SPNS3: variants seen among roughly 807,000 people sequenced by gnomAD.
The protein encoded by SPNS3 is protein spinster homolog 3.
A neutral mutation model predicts 54.4 loss-of-function variants in SPNS3; 51 were observed. That is an observed-to-expected ratio of 0.94 (90% CI 0.75 to 1.18). SPNS3 has a LOEUF of 1.18. SPNS3 is among the 50% of genes most tolerant of loss of function. The pLI is 0.00. For missense variants in SPNS3, 669 were observed against 677.4 expected (o/e 0.99, Z 0.14); for synonymous variants, 309 against 294.7 (o/e 1.05, Z -0.50).
intron 7 of SPNS3, among the ~76,000 whole-genome samples, chr17:4,452,537 A>G (rs376458188): frequency 6.3e-4 from 96 of 152,106 alleles, no homozygotes; most frequent in African/African-American, 2.0e-3. Flanking sequence ...GCGTGTAGAG[A>G]GCCCAGACAA....
Position 4,488,073 on chromosome 17 carries a change from C to T in SPNS3, c.*179C>T. The T allele has an allele frequency of 1.6e-6, 1 of 625,284 alleles. No individual in the cohort carries two copies. Among genetic ancestry groups the T allele is most frequent in the Non-Finnish European group, 2.8e-6 (1 of 355,782 alleles). The allele number at this position is 625,284 out of a possible 1,614,324, so 38.7% of individuals were successfully genotyped here. ...TGGGCTGGGAATGGAGCTGTCAGCACTCTGCGTGGGAGGCCTGGGCCTGTG... is the reference window on the plus strand; with the variant it reads ...TGGGCTGGGAATGGAGCTGTCAGCATTCTGCGTGGGAGGCCTGGGCCTGTG... On this transcript the variant is annotated 3_prime_UTR_variant, in exon 12 of 12. Transcript: ENST00000355530.
At chr17:4,470,326 G>C (rs1439481952) in intron 8 of SPNS3, among the ~76,000 whole-genome samples, 1 of 152,142 alleles carries the variant, frequency 6.6e-6, no homozygotes, top group Non-Finnish European at 1.5e-5. Flanking sequence ...CTACTTGGGA[G>C]GCTGAGGCTG....
chr17:4,438,878 ATGTGTCTG>A (rs1333097674), intron 1 of SPNS3, among the ~76,000 whole-genome samples: 2 of 151,922 alleles, frequency 1.3e-5, no homozygotes, highest in African/African-American at 2.4e-5. Flanking sequence ...CTCACTGCAC[ATGTGTCTG>A]TGTGTCTGGG....
chr17:4,488,006 A>G lies in SPNS3; in HGVS notation c.*112A>G. On this transcript the variant is annotated 3_prime_UTR_variant, in exon 12 of 12. Transcript: ENST00000355530. The stretch of plus-strand genomic sequence containing the variant: ...GGACTCCGGCTGAGGCACATCTGCC[A>G]CTTTTGAATTCCCGGCTGGAGAGCT... 1.1e-6 allele frequency: 1 copy of G among 900,374 alleles called. No homozygotes were observed. The highest frequency in any genetic ancestry group is 1.8e-6 in the Non-Finnish European group (1 of 566,480). The allele number at this position is 900,374 out of a possible 1,614,324, so 55.8% of individuals were successfully genotyped here.
chr17:4,475,801 G>A (rs1396293276), intron 8 of SPNS3, among the ~76,000 whole-genome samples: 10 of 152,208 alleles, frequency 6.6e-5, no homozygotes, highest in Admixed American at 6.5e-4. Context: ...ACAAACCAGG[G>A]CCCTTTTTGT....
chr17:4,435,419 C>T (rs1174778649), intron 1 of SPNS3, among the ~76,000 whole-genome samples: 4 of 141,578 alleles, frequency 2.8e-5, no homozygotes, highest in East Asian at 2.1e-4. Context: ...CCAGTCTGGG[C>T]GACAGAGCAA....
intron 7 of SPNS3, 151 bp from the exon 8 acceptor site, chr17:4,452,865 T>G: frequency 1.5e-6 from 1 of 680,726 alleles, no homozygotes; most frequent in Non-Finnish European, 2.4e-6. Flanking sequence ...GGTAAGGTTC[T>G]GGGTCAGGTC....
At chr17:4,446,316 C>T (rs1970986668) in intron 4 of SPNS3, 117 bp downstream of exon 4, 2 of 1,107,118 alleles carry the variant, frequency 1.8e-6, no homozygotes, top group Non-Finnish European at 2.6e-6. Flanking sequence ...ATTTGAGTCC[C>T]AATGCTACCC....
At position 4,486,458 on chromosome 17, in the gene SPNS3, G is replaced by A. The variant is rs200645328; in HGVS notation, c.1325G>A (p.Arg442His). 1.6e-5 allele frequency: 26 copies of A among 1,612,820 alleles called. No homozygotes were observed. The highest frequency in any genetic ancestry group is 1.6e-4 in the East Asian group (7 of 44,870). Residue 442 changes from arginine (R) to histidine (H), a missense_variant, in exon 11 of 12, where the codon CGC becomes CAC. Physicochemically the swap from Arg to His is conservative, Grantham distance 29. Coordinates refer to ENST00000355530, the MANE Select transcript of SPNS3 (RefSeq NM_182538.5). The surrounding 1 kb of genome is among the most constrained non-coding windows in gnomAD (Gnocchi z 5.5). ...AGGCGCCCTGACTCCTATCTGCAGC[G>A]CTTCCGCAGCCTGCAGCAGAGCTTC... Reference protein sequence around the residue: ...RARRPDSYLQRFRSLQQSFLC... With the variant: ...RARRPDSYLQHFRSLQQSFLC...
intron 8 of SPNS3, among the ~76,000 whole-genome samples, chr17:4,455,862 A>G (rs1322571356): frequency 1.3e-5 from 2 of 152,140 alleles, no homozygotes; most frequent in African/African-American, 4.8e-5. Context: ...GCATTTAGCC[A>G]GCGTCCAGTC....
At chr17:4,435,440 C>CAAAAAAAA (rs759364661) in intron 1 of SPNS3, among the ~76,000 whole-genome samples, 1 of 68,386 alleles carries the variant, frequency 1.5e-5, no homozygotes, top group African/African-American at 5.6e-5. Context: ...GGCTCTGTCT[C>CAAAAAAAA]AAAAAAAAAA....
At chr17:4,458,573 CTTT>C (rs1971389489) in intron 8 of SPNS3, among the ~76,000 whole-genome samples, 3 of 113,518 alleles carry the variant, frequency 2.6e-5, no homozygotes, top group African/African-American at 8.7e-5. Context: ...TCCCTCCTTT[CTTT>C]CTTCCTTCCC....
Position 4,486,249 on chromosome 17 carries a change from C to CG in SPNS3, c.1206dup (p.Thr403AspfsTer27). 2 of 1,567,848 alleles carry CG rather than the reference C, an allele frequency of 1.3e-6. No individual in the cohort carries two copies. Among genetic ancestry groups the CG allele is most frequent in the Non-Finnish European group, 8.6e-7 (1 of 1,160,674 alleles). On this transcript the variant is annotated frameshift_variant, in exon 10 of 12. Coordinates refer to ENST00000355530, the MANE Select transcript of SPNS3 (RefSeq NM_182538.5). LOFTEE classifies it high-confidence loss of function. The surrounding 1 kb of genome is among the most constrained non-coding windows in gnomAD (Gnocchi z 5.5). ...GCAGTCTGTGGTGGTGCCCAGATGC[C>CG]GGGGGACGGCAGAGGCACTTCAGAT...
intron 8 of SPNS3, among the ~76,000 whole-genome samples, chr17:4,463,600 G>A (rs185267928): frequency 8.6e-5 from 13 of 151,440 alleles, no homozygotes; most frequent in Admixed American, 2.6e-4. Context: ...TTAGCTGGGC[G>A]TGGCGGCATG....
chr17:4,462,952 G>A (rs1291442763), intron 8 of SPNS3, among the ~76,000 whole-genome samples: 1 of 148,446 alleles, frequency 6.7e-6, no homozygotes, highest in Non-Finnish European at 1.5e-5. Context: ...TGCTGTTGAA[G>A]GAGTAAGTCC....
intron 8 of SPNS3, among the ~76,000 whole-genome samples, chr17:4,457,840 A>G (rs1971355404): frequency 6.6e-6 from 1 of 152,116 alleles, no homozygotes; most frequent in Non-Finnish European, 1.5e-5. Context: ...AGCCAGCTGG[A>G]GAAACTCTTC....
At chr17:4,452,349 G>T (rs926698596) in intron 7 of SPNS3, among the ~76,000 whole-genome samples, 61 of 152,152 alleles carry the variant, frequency 4.0e-4, no homozygotes, top group African/African-American at 1.4e-3. Context: ...CACTCCTGGG[G>T]AGCCTTTGTG....
chr17:4,437,055 G>A (rs1288645815), intron 1 of SPNS3, among the ~76,000 whole-genome samples: 1 of 152,226 alleles, frequency 6.6e-6, no homozygotes, highest in Non-Finnish European at 1.5e-5. Flanking sequence ...GCAAGAAAGG[G>A]GGCTGTGGTT....
intron 1 of SPNS3, among the ~76,000 whole-genome samples, chr17:4,434,661 T>C (rs549142544): frequency 6.6e-6 from 1 of 151,390 alleles, no homozygotes; most frequent in South Asian, 2.1e-4. Flanking sequence ...CACATCCGGC[T>C]AATTTTTGTA....
Sources: gnomAD v4.1 joint callset for allele counts (sites outside exome capture counted in the v4.1 genomes callset) on GRCh38, gnomAD v4.1.1 for gene constraint, Gnocchi (gnomAD v3.1) non-coding constraint, MANE v1.5 for transcripts, NCBI Gene and HGNC (gene_info 2026-07-23, HGNC 2026-07-21) for gene names.